The following FNIP1 variants were observed in gnomAD, a reference collection of about 807,000 sequenced individuals.
FNIP1 encodes folliculin interacting protein 1.
A neutral mutation model predicts 124.5 loss-of-function variants in FNIP1; 40 were observed. The ratio of observed to expected loss-of-function variants is 0.32; its 90% confidence interval spans 0.25 to 0.42. FNIP1 has a LOEUF of 0.42. Among genes scored for constraint, FNIP1 ranks in the 10% least tolerant of loss-of-function variants. The probability of loss-of-function intolerance (pLI) is 1.00; values close to 1 mark genes in which losing one functional copy is unlikely to be tolerated. For synonymous variants in FNIP1, 472 were observed against 470.6 expected (o/e 1.00, Z -0.04); for missense variants, 1,176 against 1,403.7 (o/e 0.84, Z 2.59).
chr5:131,668,954 G>A (rs1247255028), intron 15 of FNIP1, among the ~76,000 whole-genome samples: 2 of 152,106 alleles, frequency 1.3e-5, no homozygotes, highest in Non-Finnish European at 2.9e-5. Context: ...CTTCTCTTTG[G>A]AGAAGCCCTC....
At chr5:131,731,461 C>G (rs757689849) in intron 2 of FNIP1, among the ~76,000 whole-genome samples, 20 of 151,928 alleles carry the variant, frequency 1.3e-4, no homozygotes, top group Non-Finnish European at 2.2e-4. Context: ...CAAGACCAGC[C>G]CGACCAACAG....
At chr5:131,713,286 T>C (rs1013974292) in intron 6 of FNIP1, among the ~76,000 whole-genome samples, 1 of 152,046 alleles carries the variant, frequency 6.6e-6, no homozygotes, top group African/African-American at 2.4e-5. Context: ...GGCCTCGTGA[T>C]CTGCCCGCCT....
At chr5:131,782,674 T>A (rs1028017228) in intron 1 of FNIP1, among the ~76,000 whole-genome samples, 2 of 152,176 alleles carry the variant, frequency 1.3e-5, no homozygotes, top group African/African-American at 4.8e-5. Context: ...CATTCCAGAA[T>A]ATCCATGATT....
intron 2 of FNIP1, among the ~76,000 whole-genome samples, chr5:131,737,753 T>C (rs887680728): frequency 1.3e-5 from 2 of 152,206 alleles, no homozygotes; most frequent in Non-Finnish European, 2.9e-5. Flanking sequence ...TTATTAGACA[T>C]ACTTGGAATA....
chr5:131,742,394 C>T (rs533542033), intron 2 of FNIP1, among the ~76,000 whole-genome samples: 1 of 152,082 alleles, frequency 6.6e-6, no homozygotes, highest in African/African-American at 2.4e-5. Flanking sequence ...AGCCTGGAGG[C>T]AGAGGTTTCA....
At chr5:131,790,925 T>C (rs946365068) in intron 1 of FNIP1, among the ~76,000 whole-genome samples, 1 of 151,736 alleles carries the variant, frequency 6.6e-6, no homozygotes, top group Non-Finnish European at 1.5e-5. Flanking sequence ...GATTAAGACA[T>C]AGGCCAGAAG....
intron 1 of FNIP1, among the ~76,000 whole-genome samples, chr5:131,773,920 T>C (rs960894650): frequency 3.9e-5 from 6 of 152,208 alleles, no homozygotes; most frequent in Non-Finnish European, 7.3e-5. Context: ...CTCATTCTTC[T>C]ATGAAGGCCC....
intron 1 of FNIP1, among the ~76,000 whole-genome samples, chr5:131,764,440 G>C (rs1020133380): frequency 6.6e-6 from 1 of 151,422 alleles, no homozygotes; most frequent in Non-Finnish European, 1.5e-5. Flanking sequence ...CAGTAGATGG[G>C]ACCACAGGTG....
chr5:131,740,541 G>C (rs1342893504), intron 2 of FNIP1, among the ~76,000 whole-genome samples: 1 of 152,156 alleles, frequency 6.6e-6, no homozygotes, highest in African/African-American at 2.4e-5. Context: ...TTGCACTGTT[G>C]TTGACATAAA....
chr5:131,644,472 T>C lies in FNIP1; in HGVS notation c.*213A>G. The C allele has an allele frequency of 2.5e-6, 1 of 392,404 alleles. No homozygotes were observed. Among genetic ancestry groups the C allele is most frequent in the Non-Finnish European group, 4.6e-6 (1 of 217,974 alleles). The allele number at this position is 392,404 out of a possible 1,614,324, so 24.3% of individuals were successfully genotyped here. ...AAAATTATTGTTGCTTTAATTTCAT[T>C]TGTTTAAAAATCTACCACCACCCAA... On this transcript the variant is annotated 3_prime_UTR_variant, in exon 18 of 18. Coordinates refer to ENST00000510461, the MANE Select transcript of FNIP1 (RefSeq NM_133372.3).
chr5:131,737,686 T>C (rs936936527), intron 2 of FNIP1, among the ~76,000 whole-genome samples: 17 of 152,202 alleles, frequency 1.1e-4, no homozygotes, highest in African/African-American at 4.1e-4. Flanking sequence ...TATTTACTCT[T>C]TACATGTAAA....
At chr5:131,745,602 T>C (rs761401740) in intron 1 of FNIP1, among the ~76,000 whole-genome samples, 6 of 152,158 alleles carry the variant, frequency 3.9e-5, no homozygotes, top group Admixed American at 3.9e-4. Context: ...AAATTTAGTA[T>C]GTGTATATAT....
chr5:131,725,831 GT>G (rs1386942354), intron 3 of FNIP1, among the ~76,000 whole-genome samples: 1 of 152,124 alleles, frequency 6.6e-6, no homozygotes, highest in African/African-American at 2.4e-5. Context: ...CTGGCTATGG[GT>G]TTGTCATAAA....
chr5:131,677,665 A>G (rs1767948241), intron 13 of FNIP1, 38 bp downstream of exon 13: 2 of 1,512,368 alleles, frequency 1.3e-6, no homozygotes, highest in African/African-American at 2.8e-5. Context: ...GCTACAAAAA[A>G]GTCTAATACA....
At chr5:131,749,898 A>G (rs1770812214) in intron 1 of FNIP1, among the ~76,000 whole-genome samples, 1 of 152,094 alleles carries the variant, frequency 6.6e-6, no homozygotes, top group African/African-American at 2.4e-5. Context: ...GTGTAAGTAC[A>G]CTGTGTGATG....
chr5:131,734,553 C>T lies in FNIP1; in HGVS notation c.220-3515G>A, dbSNP rs541572884. On this transcript the variant is annotated intron_variant, in intron 2 of 17. Transcript: ENST00000510461. Reference sequence around the variant, plus strand: ...ACAGAATGGGAGAAAATTTTTGCAACCTACTCATCTGACAAAGGGCTAATA... The same window carrying T: ...ACAGAATGGGAGAAAATTTTTGCAATCTACTCATCTGACAAAGGGCTAATA... Among the ~76,000 whole-genome samples, 1,034 of 152,130 alleles carry T rather than the reference C, an allele frequency of 6.8e-3. 2 individuals carry two copies. The highest frequency in any genetic ancestry group is 0.012 in the Non-Finnish European group (795 of 67,980).
At chr5:131,708,255 T>C (rs1273112437) in intron 8 of FNIP1, among the ~76,000 whole-genome samples, 1 of 152,190 alleles carries the variant, frequency 6.6e-6, no homozygotes, top group Non-Finnish European at 1.5e-5. Context: ...TACCTAGGGA[T>C]TGCAATATAC....
chr5:131,733,584 A>C (rs1470479918), intron 2 of FNIP1, among the ~76,000 whole-genome samples: 3 of 152,232 alleles, frequency 2.0e-5, no homozygotes, highest in African/African-American at 4.8e-5. Flanking sequence ...CTATTGAGAT[A>C]ATCACGTGGT....
chr5:131,674,728 G>GAA (rs960157099), intron 13 of FNIP1, among the ~76,000 whole-genome samples: 1 of 148,440 alleles, frequency 6.7e-6, no homozygotes, highest in Admixed American at 6.7e-5. Flanking sequence ...AAGAAAGAAA[G>GAA]AAAAAAAAAG....
Sources: allele counts gnomAD v4.1 joint callset (sites outside exome capture counted in the v4.1 genomes callset), GRCh38; gene constraint gnomAD v4.1.1; transcripts MANE v1.5; gene names NCBI Gene and HGNC (gene_info 2026-07-23, HGNC 2026-07-21).